Variants in ADSS2 observed in about 807,000 individuals in gnomAD.
ADSS2 encodes the protein adenylosuccinate synthetase isozyme 2.
ADSS2 carries 30 observed loss-of-function variants against 60.0 expected under a neutral mutation model. The observed-to-expected ratio is 0.50, with a 90% CI of 0.37 to 0.68. The LOEUF (loss-of-function observed/expected upper bound fraction) is 0.68, where lower values mean the gene tolerates loss of function less well. Among genes scored for constraint, ADSS2 ranks in the 30% least tolerant of loss-of-function variants. The pLI, the probability that ADSS2 is intolerant of heterozygous loss-of-function variation, is 0.00. For synonymous variants in ADSS2, 187 were observed against 193.1 expected, an observed-to-expected ratio of 0.97 and a Z score of 0.26; for missense variants, 373 against 554.8, an observed-to-expected ratio of 0.67 and a Z score of 3.29.
At position 244,420,304 on chromosome 1, in the gene ADSS2, C is replaced by A. The variant is rs777599985; in HGVS notation, c.664-8G>T. The stretch of plus-strand genomic sequence containing the variant: ...AATCTTTTCCATATAACCCTATACA[C>A]AAAGACAAAAACCAATTTCCATGTA... On this transcript the variant is annotated splice_region_variant and splice_polypyrimidine_tract_variant and intron_variant, in intron 7 of 12. Transcript: ENST00000366535. 6.3e-7 allele frequency: 1 copy of A among 1,594,716 alleles called. No individual in the cohort carries two copies. The highest frequency in any genetic ancestry group is 2.2e-5 in the East Asian group (1 of 44,654).
At chr1:244,433,298 C>T (rs1664994888) in intron 3 of ADSS2, among the ~76,000 whole-genome samples, 1 of 152,208 alleles carries the variant, frequency 6.6e-6, no homozygotes, top group South Asian at 2.1e-4. Flanking sequence ...TGTATCTTTT[C>T]TTCTGTATAG....
intron 8 of ADSS2, 97 bp downstream of exon 8, chr1:244,420,073 T>A: frequency 7.8e-7 from 1 of 1,281,308 alleles, no homozygotes; most frequent in African/African-American, 1.5e-5. Flanking sequence ...GCTAAAAACA[T>A]TGTTTTAAAA....
intron 1 of ADSS2, among the ~76,000 whole-genome samples, chr1:244,446,247 A>G (rs1445387659): frequency 6.6e-6 from 1 of 152,222 alleles, no homozygotes; most frequent in Non-Finnish European, 1.5e-5. Flanking sequence ...CCAAAACTAA[A>G]GCACTTATCA....
Position 244,409,602 on chromosome 1 carries a change from A to T in ADSS2, c.1355T>A (p.Met452Lys), listed in dbSNP as rs1170645364. ...TGGCAATCATTAAAAGAGTTGAATCATAGATTCTCTGGATTTACCAACACC... is the reference window on the plus strand; with the variant it reads ...TGGCAATCATTAAAAGAGTTGAATCTTAGATTCTCTGGATTTACCAACACC... ...WIGVGKSRES[M>K]IQLF The change falls in exon 13 of 13, where the codon ATG becomes AAG. Residue 452 changes from methionine to lysine, a missense_variant. By Grantham distance (95) the Met-to-Lys change is moderately conservative. Around this residue, in one of 5 missense-constraint regions of ADSS2, gnomAD observed 130 missense variants for 169.4 expected, o/e 0.77. Coordinates refer to ENST00000366535, the MANE Select transcript of ADSS2 (RefSeq NM_001126.5). The T allele has an allele frequency of 6.2e-7, 1 of 1,610,066 alleles. No homozygotes were observed. The highest frequency in any genetic ancestry group is 1.7e-5 in the Admixed American group (1 of 59,868).
At chr1:244,445,292 T>A (rs1665357050) in intron 1 of ADSS2, among the ~76,000 whole-genome samples, 1 of 152,174 alleles carries the variant, frequency 6.6e-6, no homozygotes, top group African/African-American at 2.4e-5. Context: ...CAACATAATA[T>A]ACACCTTGCT....
chr1:244,420,209 C>T lies in ADSS2; in HGVS notation c.751G>A (p.Val251Ile), dbSNP rs999986120. ...AATAGTGCTGCATTTGCACCTTCTA[C>T]CAAGATTTTCTTTGGTGGTCCATGT... Reference protein sequence around the residue: ...ALHGPPKKILVEGANAALLDI... With the variant: ...ALHGPPKKILIEGANAALLDI... Residue 251 changes from valine to isoleucine, a missense_variant, in exon 8 of 13, where the codon GTA becomes ATA. Around this residue, in one of 5 missense-constraint regions of ADSS2, gnomAD observed 28 missense variants for 74.4 expected, o/e 0.38. Transcript: ENST00000366535. 2 of 1,613,682 alleles carry T rather than the reference C, an allele frequency of 1.2e-6. No homozygotes were observed. The highest frequency in any genetic ancestry group is 2.7e-5 in the African/African-American group (2 of 74,890).
At chr1:244,422,797 G>A (rs1664706024) in intron 7 of ADSS2, 38 bp downstream of exon 7, 1 of 1,474,596 alleles carries the variant, frequency 6.8e-7, no homozygotes, top group African/African-American at 1.4e-5. Flanking sequence ...TGGCAAACAA[G>A]TATTAAAAAG....
intron 3 of ADSS2, among the ~76,000 whole-genome samples, chr1:244,435,168 C>CCA (rs1665056080): frequency 1.9e-5 from 1 of 51,730 alleles, no homozygotes; most frequent in Non-Finnish European, 3.3e-5. Flanking sequence ...ACTCCGTCTC[C>CCA]AAAAAAAAAA....
chr1:244,445,869 A>C (rs1453150696), intron 1 of ADSS2, among the ~76,000 whole-genome samples: 1 of 152,174 alleles, frequency 6.6e-6, no homozygotes, highest in Non-Finnish European at 1.5e-5. Flanking sequence ...TACAGGCCCA[A>C]GTGTCAAGGG....
rs190018420 is a variant in ADSS2 at position 244,421,881 on chromosome 1, G to T, written c.663+954C>A. ...CCCAGCTACTCGGGAGGCTGAGGAG[G>T]GAGGATCCCTTGAGCCTAGAAAGTC... On this transcript the variant is annotated intron_variant, in intron 7 of 12. Transcript: ENST00000366535. 3.3e-3 allele frequency among the ~76,000 whole-genome samples: 502 copies of T among 152,284 alleles called. 4 individuals are homozygous for T. Among genetic ancestry groups the T allele is most frequent in the African/African-American group, 0.011 (478 of 41,566 alleles).
chr1:244,417,475 C>A (rs981231348), intron 10 of ADSS2, among the ~76,000 whole-genome samples, 153 bp downstream of exon 10: 1 of 152,092 alleles, frequency 6.6e-6, no homozygotes, highest in Non-Finnish European at 1.5e-5. Context: ...TGTACCCTTC[C>A]CCCTATATCT....
rs1435672921 is a variant in ADSS2, at chr1:244,451,510, A to T, written c.183+125T>A. 1 of 1,050,794 alleles carries T rather than the reference A, an allele frequency of 9.5e-7. No homozygotes were observed. Among genetic ancestry groups the T allele is most frequent in the Non-Finnish European group, 1.3e-6 (1 of 745,768 alleles). The allele number at this position is 1,050,794 out of a possible 1,614,324, so 65.1% of individuals were successfully genotyped here. A position where few individuals can be genotyped will look rare whatever the true frequency, so the allele number is the denominator to read the frequency against. ...GCCGCAGCTCAGGACAGGAGGAGAG[A>T]GCCTCAAGGTGACACCTCATTTTGG... On this transcript the variant is annotated intron_variant, in intron 1 of 12. Transcript: ENST00000366535. The surrounding 1 kb of genome is among the most constrained non-coding windows in gnomAD (Gnocchi z 6.6).
chr1:244,428,740 G>T (rs1415428493), intron 4 of ADSS2, among the ~76,000 whole-genome samples: 1 of 151,876 alleles, frequency 6.6e-6, no homozygotes, highest in Admixed American at 6.6e-5. Context: ...GAATAAAAGA[G>T]GGACATTACT....
At position 244,437,710 on chromosome 1, in the gene ADSS2, A is replaced by T; in HGVS notation, c.242T>A (p.Leu81His). The change falls in exon 2 of 13, where the codon CTC becomes CAC. Residue 81 changes from leucine to histidine, a missense_variant. Leu to His is a moderately conservative substitution (Grantham distance 99). Coordinates refer to ENST00000366535, the MANE Select transcript of ADSS2 (RefSeq NM_001126.5). The stretch of plus-strand genomic sequence containing the variant: ...TGGATTAATTATTCCACTGGGTAAG[A>T]GATGAAAATCATATTCCACAGAATC... ...VVDSVEYDFHLLPSGIINPNV... is the reference protein window; with the variant it reads ...VVDSVEYDFHHLPSGIINPNV... 6.2e-7 allele frequency: 1 copy of T among 1,607,798 alleles called. No homozygotes were observed. Among genetic ancestry groups the T allele is most frequent in the Non-Finnish European group, 8.5e-7 (1 of 1,174,514 alleles).
chr1:244,408,930 T>C lies in ADSS2; in HGVS notation c.*656A>G, dbSNP rs1479181115. ...CATCTATTCTCTTTGAACATTTCAC[T>C]AAATTTTCAATGTATTAAATAACTG... On this transcript the variant is annotated 3_prime_UTR_variant, in exon 13 of 13. Coordinates refer to ENST00000366535, the MANE Select transcript of ADSS2 (RefSeq NM_001126.5). 6.6e-6 allele frequency: 1 copy of C among 152,648 alleles called. No homozygotes were observed. Among genetic ancestry groups the C allele is most frequent in the Non-Finnish European group, 1.5e-5 (1 of 68,038 alleles). The allele number at this position is 152,648 out of a possible 1,614,324, so 9.5% of individuals were successfully genotyped here. A position where few individuals can be genotyped will look rare whatever the true frequency, so the allele number is the denominator to read the frequency against.
intron 8 of ADSS2, 60 bp downstream of exon 8, chr1:244,420,110 A>G: frequency 1.3e-6 from 2 of 1,502,916 alleles, no homozygotes; most frequent in Non-Finnish European, 1.8e-6. Flanking sequence ...TTAATTATTT[A>G]TATTTTAACT....
chr1:244,426,448 C>T (rs1460229344), intron 4 of ADSS2, among the ~76,000 whole-genome samples: 1 of 152,008 alleles, frequency 6.6e-6, no homozygotes, highest in Non-Finnish European at 1.5e-5. Flanking sequence ...TAAGACTTCA[C>T]CATGGCATGG....
At chr1:244,439,067 T>C (rs1024995076) in intron 1 of ADSS2, among the ~76,000 whole-genome samples, 10 of 152,160 alleles carry the variant, frequency 6.6e-5, no homozygotes, top group Non-Finnish European at 2.9e-5. Flanking sequence ...CAGCGTTTGG[T>C]AACCATCCTT....
At chr1:244,435,545 T>A (rs1197700830) in intron 3 of ADSS2, among the ~76,000 whole-genome samples, 1 of 151,792 alleles carries the variant, frequency 6.6e-6, no homozygotes, top group East Asian at 1.9e-4. Context: ...TCCTTCATCC[T>A]CCTCCTCTAC....
Sources: allele counts gnomAD v4.1 joint callset (sites outside exome capture counted in the v4.1 genomes callset), GRCh38; gene constraint gnomAD v4.1.1; regional missense constraint gnomAD v4.1.1; non-coding constraint Gnocchi (gnomAD v3.1); transcripts MANE v1.5; gene names NCBI Gene and HGNC (gene_info 2026-07-23, HGNC 2026-07-21).